Variants in MATN2 observed in about 807,000 individuals in gnomAD.
The protein encoded by MATN2 is matrilin-2.
A neutral mutation model predicts 103.2 loss-of-function variants in MATN2; 69 were observed. The ratio of observed to expected loss-of-function variants is 0.67; its 90% CI spans 0.55 to 0.82. MATN2 has a LOEUF of 0.82. Among genes scored for constraint, MATN2 ranks in the 40% least tolerant of loss-of-function variants. MATN2 has a pLI of 0.00. For missense variants in MATN2, 1,023 were observed against 1,211.5 expected, an observed-to-expected ratio of 0.84 and a Z score of 2.31; for synonymous variants, 429 against 450.2, an observed-to-expected ratio of 0.95 and a Z score of 0.60.
chr8:97,970,258 G>A (rs1275950444), intron 5 of MATN2, among the ~76,000 whole-genome samples: 1 of 152,130 alleles, frequency 6.6e-6, no homozygotes, highest in Non-Finnish European at 1.5e-5. Context: ...GTAAGGGATG[G>A]TAACTCCCAG....
At chr8:97,871,914 A>C (rs372635723) in intron 1 of MATN2, among the ~76,000 whole-genome samples, 33 of 152,322 alleles carry the variant, frequency 2.2e-4, no homozygotes, top group Middle Eastern at 3.4e-3. Context: ...TTGGCACCCG[A>C]AAGACCTGGG....
At chr8:97,919,488 T>G (rs1448507992) in intron 2 of MATN2, among the ~76,000 whole-genome samples, 1 of 152,134 alleles carries the variant, frequency 6.6e-6, no homozygotes, top group Non-Finnish European at 1.5e-5. Flanking sequence ...CACCTCGGCC[T>G]CCCAAAGTGC....
At chr8:97,953,793 C>CA (rs71271176) in intron 4 of MATN2, among the ~76,000 whole-genome samples, 113,553 of 119,512 alleles carry the variant, frequency 0.95, 54,029 homozygotes, top group Non-Finnish European at 0.98. Context: ...TCCATCTCAC[C>CA]AAAAAAAAAA....
At chr8:97,994,733 T>C in intron 7 of MATN2, 131 bp downstream of exon 7, 2 of 1,017,252 alleles carry the variant, frequency 2.0e-6, no homozygotes, top group East Asian at 2.7e-5. Flanking sequence ...TATTCTCCCC[T>C]TTATTTTACT....
chr8:97,932,188 G>A (rs1404625637), intron 3 of MATN2, among the ~76,000 whole-genome samples: 1 of 152,154 alleles, frequency 6.6e-6, no homozygotes, highest in Non-Finnish European at 1.5e-5. Flanking sequence ...GATAGACAGA[G>A]TTTTTCTTCA....
At chr8:97,990,297 A>G (rs1162461943) in intron 6 of MATN2, among the ~76,000 whole-genome samples, 1 of 152,216 alleles carries the variant, frequency 6.6e-6, no homozygotes, top group Non-Finnish European at 1.5e-5. Context: ...AAATATATTC[A>G]ACAACATTAG....
chr8:98,013,390 G>A (rs1030109146), intron 10 of MATN2, among the ~76,000 whole-genome samples: 3 of 152,260 alleles, frequency 2.0e-5, no homozygotes, highest in Admixed American at 2.0e-4. Context: ...CATCCCATGG[G>A]GTTCTTATTT....
At chr8:97,869,466 G>T (rs1482002100) in intron 1 of MATN2, among the ~76,000 whole-genome samples, 179 bp downstream of exon 1, 1 of 152,028 alleles carries the variant, frequency 6.6e-6, no homozygotes, top group African/African-American at 2.4e-5. Context: ...TCCGAGGACA[G>T]GGGGAGAGGG....
intron 2 of MATN2, among the ~76,000 whole-genome samples, chr8:97,895,212 T>C (rs982797707): frequency 1.3e-5 from 2 of 152,146 alleles, no homozygotes; most frequent in African/African-American, 4.8e-5. Flanking sequence ...ACTCAATGGA[T>C]TTCTACATCC....
chr8:98,033,733 G>C lies in MATN2; in HGVS notation c.2815+74G>C, dbSNP rs1012527152. 5.9e-6 allele frequency: 6 copies of C among 1,023,656 alleles called. No homozygotes were observed. The African/African-American group carries it at 8.0e-5, about 14-fold the overall frequency. The allele number at this position is 1,023,656 out of a possible 1,614,324, so 63.4% of individuals were successfully genotyped here. A position where few individuals can be genotyped will look rare whatever the true frequency, so the allele number is the denominator to read the frequency against. On this transcript the variant is annotated intron_variant, in intron 18 of 18. Transcript: ENST00000254898. ...TCAAAACTTCACACACTCTATGTAG[G>C]TTTTATCAACTGAAGTAAATCCCAC...
chr8:97,924,845 G>A lies in MATN2; in HGVS notation c.143-6108G>A, dbSNP rs56142490. 8.1e-3 allele frequency among the ~76,000 whole-genome samples: 1,225 copies of A among 152,040 alleles called. 19 individuals carry two copies. The highest frequency in any genetic ancestry group is 0.028 in the African/African-American group (1,174 of 41,458). On this transcript the variant is annotated intron_variant, in intron 2 of 18. Coordinates refer to ENST00000254898, the MANE Select transcript of MATN2 (RefSeq NM_002380.5). ...AGCCAATCCAGCCCTGGTGCATCTT[G>A]AGTATTCTGGAAATGGCAGATCTAA...
intron 5 of MATN2, among the ~76,000 whole-genome samples, chr8:97,965,663 C>T (rs1811455125): frequency 6.6e-6 from 1 of 151,428 alleles, no homozygotes; most frequent in African/African-American, 2.4e-5. Flanking sequence ...GTGAGACCCC[C>T]ATCTCTACCA....
At chr8:97,994,749 G>C in intron 7 of MATN2, 147 bp downstream of exon 7, 1 of 894,494 alleles carries the variant, frequency 1.1e-6, no homozygotes, top group African/African-American at 1.7e-5. Flanking sequence ...TTACTTTTTG[G>C]CTCACTAGAT....
intron 17 of MATN2, among the ~76,000 whole-genome samples, 189 bp downstream of exon 17, chr8:98,033,365 A>T (rs184791227): frequency 8.5e-5 from 13 of 152,394 alleles, no homozygotes; most frequent in Admixed American, 8.5e-4. Flanking sequence ...GTTCCTCAGT[A>T]ATCCACAGTA....
chr8:98,027,774 C>T lies in MATN2; in HGVS notation c.2301C>T (p.Thr767=), dbSNP rs750319594. The T allele has an allele frequency of 2.9e-5, 47 of 1,605,158 alleles. 1 individual carries two copies. The highest frequency in any genetic ancestry group is 2.4e-4 in the South Asian group (22 of 89,834). Residue 767 remains threonine (T), a synonymous_variant, in exon 14 of 19, where the codon ACC becomes ACT. Transcript: ENST00000254898. ...TGCCCAGAGCAGCCATTGTGTTCACCGACGGACGGGCTCAGGATGACGTCT... is the reference window on the plus strand; with the variant it reads ...TGCCCAGAGCAGCCATTGTGTTCACTGACGGACGGGCTCAGGATGACGTCT... ...TRVPRAAIVF[T]DGRAQDDVSE...
chr8:97,931,026 C>G lies in MATN2; in HGVS notation c.216C>G (p.Asp72Glu), dbSNP rs746920034. The change falls in exon 3 of 19, where the codon GAC becomes GAG. Residue 72 changes from aspartate to glutamate, a missense_variant. Coordinates refer to ENST00000254898, the MANE Select transcript of MATN2 (RefSeq NM_002380.5). This position sits in a 1 kb window ranked among gnomAD's most constrained non-coding sequence, Gnocchi z 4.1. ...IDSSRSVNTHDYAKVKEFIVD... is the reference protein window; with the variant it reads ...IDSSRSVNTHEYAKVKEFIVD... ...GCTCTCGCAGTGTCAACACCCATGA[C>G]TATGCAAAGGTCAAGGAGTTCATCG... is the stretch of plus-strand genomic sequence containing the variant. 6.2e-7 allele frequency: 1 copy of G among 1,614,010 alleles called. No individual in the cohort carries two copies. Among genetic ancestry groups the G allele is most frequent in the Non-Finnish European group, 8.5e-7 (1 of 1,179,876 alleles).
intron 3 of MATN2, among the ~76,000 whole-genome samples, chr8:97,941,172 AAAAAAAAAAAAAAG>A (rs1810546794): frequency 2.0e-5 from 3 of 146,694 alleles, no homozygotes; most frequent in South Asian, 4.5e-4. Context: ...AAAAAAAAAA[AAAAAAAAAAAAAAG>A]AAAGAAAGAA....
chr8:97,945,197 A>C (rs1327608529), intron 4 of MATN2, among the ~76,000 whole-genome samples: 2 of 152,204 alleles, frequency 1.3e-5, no homozygotes, highest in Admixed American at 1.3e-4. Context: ...ACATGAGGTC[A>C]AGCCTAACTA....
chr8:97,893,576 ATTT>A (rs1818706343), intron 2 of MATN2, among the ~76,000 whole-genome samples: 1 of 144,694 alleles, frequency 6.9e-6, no homozygotes, highest in South Asian at 2.2e-4. Context: ...TTATTTATTT[ATTT>A]ATTTATTTAT....
Sources: gnomAD v4.1 joint callset for allele counts (sites outside exome capture counted in the v4.1 genomes callset) on GRCh38, gnomAD v4.1.1 for gene constraint, Gnocchi (gnomAD v3.1) non-coding constraint, MANE v1.5 for transcripts, NCBI Gene and HGNC (gene_info 2026-07-23, HGNC 2026-07-21) for gene names.